ELF3: variants seen among roughly 807,000 people sequenced by gnomAD.
The protein encoded by ELF3 is ETS-related transcription factor Elf-3.
In ELF3, 18 loss-of-function variants were observed where a neutral mutation model predicts 43.9. The ratio of observed to expected loss-of-function variants is 0.41; its 90% CI spans 0.28 to 0.61. The LOEUF (loss-of-function observed/expected upper bound fraction) is 0.61, where lower values mean the gene tolerates loss of function less well. ELF3 is among the 20% of genes least tolerant of loss of function. The probability of loss-of-function intolerance (pLI) is 0.30; values close to 1 mark genes in which losing one functional copy is unlikely to be tolerated. For synonymous variants in ELF3, 181 were observed against 190.2 expected, an observed-to-expected ratio of 0.95 and a Z score of 0.40; for missense variants, 373 against 487.7, an observed-to-expected ratio of 0.76 and a Z score of 2.21.
At position 202,012,057 on chromosome 1, in the gene ELF3, C is replaced by A. The variant is rs752734750; in HGVS notation, c.264C>A (p.Ser88Arg). 6.2e-7 allele frequency: 1 copy of A among 1,614,204 alleles called. No individual in the cohort carries two copies. Among genetic ancestry groups the A allele is most frequent in the Non-Finnish European group, 8.5e-7 (1 of 1,180,042 alleles). The part of the protein sequence containing the change: ...YQVEKNKYDA[S>R]AIDFSRCDMD... ...TGGAGAAGAACAAGTACGACGCAAG[C>A]GCCATTGACTTCTCACGATGTGACA... The change falls in exon 3 of 9, where the codon AGC (serine) becomes AGA (arginine). Residue 88 changes from serine to arginine, a missense_variant. Transcript: ENST00000367284. The surrounding 1 kb of genome is among the most constrained non-coding windows in gnomAD (Gnocchi z 4.2).
Position 202,012,833 on chromosome 1 carries a change from A to G in ELF3, c.598+74A>G. On this transcript the variant is annotated intron_variant, in intron 5 of 8. Transcript: ENST00000367284. This position sits in a 1 kb window ranked among gnomAD's most constrained non-coding sequence, Gnocchi z 4.2. ...GTTCCCTCTGGCTCCCAGCACCATA[A>G]CTCAGGCCTTCTGGCAGGAACAGGA... 4 of 1,538,948 alleles carry G rather than the reference A, an allele frequency of 2.6e-6. No homozygotes were observed. The highest frequency in any genetic ancestry group is 2.6e-6 in the Non-Finnish European group (3 of 1,143,730).
chr1:202,014,649 C>G (rs1326162847), intron 8 of ELF3, among the ~76,000 whole-genome samples: 4 of 151,782 alleles, frequency 2.6e-5, no homozygotes, highest in East Asian at 1.9e-4. Context: ...GCTCTGTCAC[C>G]CAGGCTAGAG....
chr1:202,012,286 G>C lies in ELF3; in HGVS notation c.386-58G>C, dbSNP rs1018070375. 13 of 1,609,582 alleles carry C rather than the reference G, an allele frequency of 8.1e-6. No homozygotes were observed. The highest frequency in any genetic ancestry group is 1.3e-5 in the African/African-American group (1 of 74,804). ...GAGCTCTGGGCCAGCTGCACAGCCA[G>C]AGAGAGCCCTTGAGGGAGGGATTAG... is the stretch of plus-strand genomic sequence containing the variant. On this transcript the variant is annotated intron_variant, in intron 3 of 8. Coordinates refer to ENST00000367284, the MANE Select transcript of ELF3 (RefSeq NM_004433.5). This position sits in a 1 kb window ranked among gnomAD's most constrained non-coding sequence, Gnocchi z 4.2.
chr1:202,011,419 G>T (rs1347905123), intron 2 of ELF3, 120 bp downstream of exon 2: 12 of 1,295,540 alleles, frequency 9.3e-6, no homozygotes, highest in Non-Finnish European at 1.0e-5. Context: ...AGGGCTAGAG[G>T]CTGAGACTTA....
At chr1:202,014,120 G>C (rs1684268201) in intron 8 of ELF3, 96 bp downstream of exon 8, 3 of 1,409,988 alleles carry the variant, frequency 2.1e-6, no homozygotes, top group Non-Finnish European at 2.9e-6. Context: ...TTGGCTTCTT[G>C]CAACAGGGCT....
At position 202,014,044 on chromosome 1, in the gene ELF3, C is replaced by T. The variant is rs1477436838; in HGVS notation, c.1001+20C>T. The T allele has an allele frequency of 1.9e-6, 3 of 1,595,108 alleles. No individual in the cohort carries two copies. The Admixed American group carries it at 5.1e-5, about 27-fold the overall frequency. On this transcript the variant is annotated intron_variant, in intron 8 of 8. Coordinates refer to ENST00000367284, the MANE Select transcript of ELF3 (RefSeq NM_004433.5). ...CATGAGGTGAGCTGGCGGCCAGGAC[C>T]CTCACGATACAGCCGGACATGGGGA...
At chr1:202,014,961 G>A (rs745663954) in intron 8 of ELF3, 41 of 458,998 alleles carry the variant, frequency 8.9e-5, no homozygotes, top group Admixed American at 2.0e-4. Context: ...CACAGCCATA[G>A]GATACAAAGA....
At chr1:202,011,481 A>C in intron 2 of ELF3, 182 bp downstream of exon 2, 1 of 704,694 alleles carries the variant, frequency 1.4e-6, no homozygotes, top group Non-Finnish European at 2.2e-6. Flanking sequence ...GGGAGGTGTC[A>C]GATACCAGGA....
In ELF3 at chr1:202,013,728, T is replaced by C. The variant is rs1161502775; in HGVS notation, c.806-101T>C. On this transcript the variant is annotated intron_variant, in intron 7 of 8. Coordinates refer to ENST00000367284, the MANE Select transcript of ELF3 (RefSeq NM_004433.5). The surrounding 1 kb of genome is among the most constrained non-coding windows in gnomAD (Gnocchi z 5.7). The stretch of plus-strand genomic sequence containing the variant: ...GGGGTCTCTGGAGAGGCTTGCTGCA[T>C]GCTGTGGCCAAGTCAGCAGTGCACT... 5 of 1,318,330 alleles carry C rather than the reference T, an allele frequency of 3.8e-6. No homozygotes were observed. Among genetic ancestry groups the C allele is most frequent in the Non-Finnish European group, 5.2e-6 (5 of 967,002 alleles). The allele number at this position is 1,318,330 out of a possible 1,614,324, so 81.7% of individuals were successfully genotyped here.
Position 202,013,989 on chromosome 1 carries a change from C to G in ELF3, c.966C>G (p.Ser322Arg). 6.2e-7 allele frequency: 1 copy of G among 1,613,526 alleles called. No individual in the cohort carries two copies. The change falls in exon 8 of 9, where the codon AGC (serine) becomes AGG (arginine). Residue 322 changes from serine (S) to arginine (R), a missense_variant. Coordinates refer to ENST00000367284, the MANE Select transcript of ELF3 (RefSeq NM_004433.5). This position sits in a 1 kb window ranked among gnomAD's most constrained non-coding sequence, Gnocchi z 5.7. ...AQLWGQKKKN[S>R]NMTYEKLSRA... ...TATGGGGCCAAAAGAAAAAGAACAG[C>G]AACATGACCTACGAGAAGCTGAGCC...
rs1684295315 is a variant in ELF3, at chr1:202,015,636, C to T, written c.*313C>T. 2.9e-6 allele frequency: 1 copy of T among 350,050 alleles called. No homozygotes were observed. Among genetic ancestry groups the T allele is most frequent in the Admixed American group, 3.8e-5 (1 of 26,446 alleles). 21.7% of individuals were successfully genotyped at this position (350,050 alleles called of 1,614,324 possible). Reference sequence around the variant, plus strand: ...CACTAAATGCAGACAACACCTTCCTCCTGCAGACACCTGGACTGAGCCAAG... The same window carrying T: ...CACTAAATGCAGACAACACCTTCCTTCTGCAGACACCTGGACTGAGCCAAG... On this transcript the variant is annotated 3_prime_UTR_variant, in exon 9 of 9. Transcript: ENST00000367284.
Position 202,012,567 on chromosome 1 carries a change from G to C in ELF3, c.479-73G>C. 6.4e-7 allele frequency: 1 copy of C among 1,554,914 alleles called. No individual in the cohort carries two copies. Among genetic ancestry groups the C allele is most frequent in the Non-Finnish European group, 8.7e-7 (1 of 1,151,810 alleles). ...TTAGAAAAATTGCAGCAGGTCATCA[G>C]ACCCATGGGCAGCATCACCTGTCCT... On this transcript the variant is annotated intron_variant, in intron 4 of 8. Coordinates refer to ENST00000367284, the MANE Select transcript of ELF3 (RefSeq NM_004433.5). This position sits in a 1 kb window ranked among gnomAD's most constrained non-coding sequence, Gnocchi z 4.2.
intron 8 of ELF3, chr1:202,014,987 C>T (rs1684283895): frequency 3.9e-6 from 2 of 518,184 alleles, no homozygotes; most frequent in African/African-American, 1.9e-5. Flanking sequence ...AGGCAAAGAG[C>T]CCTGTGTCCT....
At position 202,012,842 on chromosome 1, in the gene ELF3, T is replaced by A. The variant is rs1684236246; in HGVS notation, c.598+83T>A. ...GGCTCCCAGCACCATAACTCAGGCC[T>A]TCTGGCAGGAACAGGAACAGGCTGG... On this transcript the variant is annotated intron_variant, in intron 5 of 8. Transcript: ENST00000367284. This position sits in a 1 kb window ranked among gnomAD's most constrained non-coding sequence, Gnocchi z 4.2. 6.5e-7 allele frequency: 1 copy of A among 1,539,272 alleles called. No homozygotes were observed. Among genetic ancestry groups the A allele is most frequent in the African/African-American group, 1.4e-5 (1 of 72,900 alleles).
In ELF3 at chr1:202,013,143, C is replaced by T; in HGVS notation, c.689-39C>T. 6.2e-7 allele frequency: 1 copy of T among 1,610,744 alleles called. No individual in the cohort carries two copies. The highest frequency in any genetic ancestry group is 8.5e-7 in the Non-Finnish European group (1 of 1,178,044). On this transcript the variant is annotated intron_variant, in intron 6 of 8. Transcript: ENST00000367284. The surrounding 1 kb of genome is among the most constrained non-coding windows in gnomAD (Gnocchi z 5.7). Reference sequence around the variant, plus strand: ...AGAGGGGCTACTCTCCCTAACTCCCCTCTTGCCCCTCCTTGACCTTCCACC... The same window carrying T: ...AGAGGGGCTACTCTCCCTAACTCCCTTCTTGCCCCTCCTTGACCTTCCACC...
rs1287072593 is a variant in ELF3 at position 202,016,790 on chromosome 1, T to A, written c.*1467T>A. The A allele has an allele frequency of 6.6e-6, 1 of 152,184 alleles. No individual in the cohort carries two copies. The highest frequency in any genetic ancestry group is 1.5e-5 in the Non-Finnish European group (1 of 68,032). The allele number at this position is 152,184 out of a possible 1,614,324, so 9.4% of individuals were successfully genotyped here. On this transcript the variant is annotated 3_prime_UTR_variant, in exon 9 of 9. Transcript: ENST00000367284. Reference sequence around the variant, plus strand: ...TGCCAGGCACTGTGCTAGCCCACTCTGGCTCATTTAATCCTCTCCTAAGAA... The same window carrying A: ...TGCCAGGCACTGTGCTAGCCCACTCAGGCTCATTTAATCCTCTCCTAAGAA...
Position 202,012,853 on chromosome 1 carries a change from A to G in ELF3, c.598+94A>G. On this transcript the variant is annotated intron_variant, in intron 5 of 8. Transcript: ENST00000367284. This position sits in a 1 kb window ranked among gnomAD's most constrained non-coding sequence, Gnocchi z 4.2. ...CCATAACTCAGGCCTTCTGGCAGGA[A>G]CAGGAACAGGCTGGGAAGTGTGTCC... 1 of 1,544,584 alleles carries G rather than the reference A, an allele frequency of 6.5e-7. No homozygotes were observed. Among genetic ancestry groups the G allele is most frequent in the South Asian group, 1.3e-5 (1 of 78,998 alleles).
chr1:202,012,444 C>T lies in ELF3; in HGVS notation c.478+8C>T. 1 of 1,613,406 alleles carries T rather than the reference C, an allele frequency of 6.2e-7. No homozygotes were observed. Among genetic ancestry groups the T allele is most frequent in the Non-Finnish European group, 8.5e-7 (1 of 1,179,670 alleles). ...TAGACCCAGGGCCCTTTGGTGAGAA[C>T]CCGTTTTCTCCTTCCTTCCCCAGCC... is the stretch of plus-strand genomic sequence containing the variant. On this transcript the variant is annotated splice_region_variant and intron_variant, in intron 4 of 8. Transcript: ENST00000367284. This position sits in a 1 kb window ranked among gnomAD's most constrained non-coding sequence, Gnocchi z 4.2.
In ELF3 at chr1:202,015,604, T is replaced by G. The variant is rs1037448647; in HGVS notation, c.*281T>G. 18 of 412,338 alleles carry G rather than the reference T, an allele frequency of 4.4e-5. No homozygotes were observed. Among genetic ancestry groups the G allele is most frequent in the Admixed American group, 4.2e-4 (12 of 28,238 alleles). 25.5% of individuals were successfully genotyped at this position (412,338 alleles called of 1,614,324 possible). A position where few individuals can be genotyped will look rare whatever the true frequency, so the allele number is the denominator to read the frequency against. ...TTATCTGGTGCCTCCTCAAACCCAG[T>G]CTCAGACACTAAATGCAGACAACAC... is the stretch of plus-strand genomic sequence containing the variant. On this transcript the variant is annotated 3_prime_UTR_variant, in exon 9 of 9. Coordinates refer to ENST00000367284, the MANE Select transcript of ELF3 (RefSeq NM_004433.5).
Sources: gnomAD v4.1 joint callset for allele counts (sites outside exome capture counted in the v4.1 genomes callset) on GRCh38, gnomAD v4.1.1 for gene constraint, Gnocchi (gnomAD v3.1) non-coding constraint, MANE v1.5 for transcripts, NCBI Gene and HGNC (gene_info 2026-07-23, HGNC 2026-07-21) for gene names.